ELAVL4: variants seen among roughly 807,000 people sequenced by gnomAD.
ELAVL4 encodes the protein ELAV like RNA binding protein 4.
A neutral mutation model predicts 35.6 loss-of-function variants in ELAVL4; 1 was observed. The ratio of observed to expected loss-of-function variants is 0.03; its 90% CI spans 0.01 to 0.13. The LOEUF is 0.13. ELAVL4 is among the 10% of genes least tolerant of loss of function. The probability of loss-of-function intolerance (pLI) is 1.00; values close to 1 mark genes in which losing one functional copy is unlikely to be tolerated. For synonymous variants in ELAVL4, 156 were observed against 171.0 expected (o/e 0.91, Z 0.69); for missense variants, 267 against 464.9 (o/e 0.57, Z 3.91).
upstream of ELAVL4, chr1:50,105,580 C>A (rs528159504): frequency 1.3e-5 from 2 of 152,184 alleles, no homozygotes; most frequent in East Asian, 3.9e-4. Flanking sequence ...AAAAAGAAAT[C>A]TTTTAAGATG....
At chr1:50,169,101 G>A (rs182251881) in intron 2 of ELAVL4, among the ~76,000 whole-genome samples, 174 of 152,120 alleles carry the variant, frequency 1.1e-3, no homozygotes, top group African/African-American at 4.1e-3. Context: ...TCAAAGAACT[G>A]AAGAACTTGG....
chr1:50,186,836 CT>C (rs1337001012), intron 3 of ELAVL4, among the ~76,000 whole-genome samples: 1 of 26,978 alleles, frequency 3.7e-5, no homozygotes, highest in Non-Finnish European at 2.7e-4. Flanking sequence ...AGTTTCACCT[CT>C]GATAAAATAG....
intron 1 of ELAVL4, among the ~76,000 whole-genome samples, chr1:50,057,561 A>ATTCTCTAT (rs1230147475): frequency 2.0e-5 from 3 of 152,102 alleles, no homozygotes; most frequent in Non-Finnish European, 4.4e-5. Context: ...TTAATCTTTT[A>ATTCTCTAT]TTCTCTATTT....
intron 1 of ELAVL4, among the ~76,000 whole-genome samples, chr1:50,092,984 A>G (rs1665559606): frequency 6.6e-6 from 1 of 152,340 alleles, no homozygotes; most frequent in African/African-American, 2.4e-5. Context: ...TCACTCCAAT[A>G]TAAATTCCCA....
intron 2 of ELAVL4, among the ~76,000 whole-genome samples, chr1:50,171,505 T>C (rs1168412466): frequency 6.6e-6 from 1 of 152,200 alleles, no homozygotes; most frequent in Non-Finnish European, 1.5e-5. Flanking sequence ...CAGAATTAAA[T>C]GAGGTAACAT....
At chr1:50,048,361 G>C (rs1663179819) in intron 1 of ELAVL4, among the ~76,000 whole-genome samples, 1 of 152,178 alleles carries the variant, frequency 6.6e-6, no homozygotes, top group Admixed American at 6.5e-5. Context: ...GCCCAGACCT[G>C]AGGGCTCCTG....
upstream of ELAVL4, among the ~76,000 whole-genome samples, chr1:50,107,581 A>G (rs2148522649): frequency 6.6e-6 from 1 of 152,308 alleles, no homozygotes; most frequent in Non-Finnish European, 1.5e-5. Context: ...AAACCCAGAA[A>G]TATAGCTTAT....
intron 1 of ELAVL4, among the ~76,000 whole-genome samples, chr1:50,137,656 A>C (rs1308941657): frequency 6.6e-6 from 1 of 152,164 alleles, no homozygotes; most frequent in South Asian, 2.1e-4. Context: ...TAGTCACAAG[A>C]CATGCTGCTG....
chr1:50,050,937 T>A (rs949663029), intron 1 of ELAVL4, among the ~76,000 whole-genome samples: 1 of 152,192 alleles, frequency 6.6e-6, no homozygotes, highest in East Asian at 1.9e-4. Context: ...ACATGCTAGC[T>A]GTTAGTTTTT....
chr1:50,114,591 C>G (rs1667632388), intron 1 of ELAVL4, among the ~76,000 whole-genome samples: 1 of 152,036 alleles, frequency 6.6e-6, no homozygotes, highest in South Asian at 2.1e-4. Flanking sequence ...ACATGTGGGT[C>G]TGCATCTTTC....
chr1:50,091,999 C>T (rs1238671050), intron 1 of ELAVL4, among the ~76,000 whole-genome samples: 1 of 152,188 alleles, frequency 6.6e-6, no homozygotes, highest in Non-Finnish European at 1.5e-5. Context: ...TTTGGCCATT[C>T]TAGTTCACTG....
At chr1:50,098,600 C>T (rs1665815724) in intron 1 of ELAVL4, among the ~76,000 whole-genome samples, 1 of 152,192 alleles carries the variant, frequency 6.6e-6, no homozygotes, top group African/African-American at 2.4e-5. Context: ...ATCCTTTTCA[C>T]AGAGGTATTT....
At position 50,201,408 on chromosome 1, in the gene ELAVL4, A is replaced by C. The variant is rs1644390103; in HGVS notation, c.*230A>C. On this transcript the variant is annotated 3_prime_UTR_variant, in exon 7 of 7. Coordinates refer to ENST00000371824, the MANE Select transcript of ELAVL4 (RefSeq NM_001144774.3). The surrounding 1 kb of genome is among the most constrained non-coding windows in gnomAD (Gnocchi z 4.3). Reference sequence around the variant, plus strand: ...AAAAAAAGAAAAAAAAAAAACAAAAAATACCTTTGATGCATTGAATGTTCT... The same window carrying C: ...AAAAAAAGAAAAAAAAAAAACAAAACATACCTTTGATGCATTGAATGTTCT... 6 of 328,442 alleles carry C rather than the reference A, an allele frequency of 1.8e-5. No homozygotes were observed. The highest frequency in any genetic ancestry group is 2.6e-5 in the Non-Finnish European group (5 of 191,210). The allele number at this position is 328,442 out of a possible 1,614,324, so 20.3% of individuals were successfully genotyped here.
intron 1 of ELAVL4, among the ~76,000 whole-genome samples, chr1:50,120,648 G>T (rs1419454737): frequency 2.0e-5 from 3 of 152,012 alleles, no homozygotes; most frequent in Non-Finnish European, 4.4e-5. Flanking sequence ...TTAGACATTG[G>T]TTAGGGGAAT....
intron 2 of ELAVL4, among the ~76,000 whole-genome samples, chr1:50,167,481 C>T (rs1420506205): frequency 6.6e-6 from 1 of 152,106 alleles, no homozygotes; most frequent in Non-Finnish European, 1.5e-5. Context: ...CTGCCCTTTC[C>T]GTGATGGAAG....
intron 1 of ELAVL4, among the ~76,000 whole-genome samples, chr1:50,080,907 C>G (rs1664979226): frequency 6.6e-6 from 1 of 152,104 alleles, no homozygotes. Flanking sequence ...ATATGCAAAG[C>G]CTTTGTACTT....
At chr1:50,125,940 C>A (rs950878038) in intron 1 of ELAVL4, among the ~76,000 whole-genome samples, 1 of 152,034 alleles carries the variant, frequency 6.6e-6, no homozygotes, top group African/African-American at 2.4e-5. Flanking sequence ...GTTTCCTTAT[C>A]TGTAAAATTG....
At chr1:50,193,967 C>T (rs1259224461) in intron 4 of ELAVL4, 49 bp downstream of exon 4, 1 of 1,597,952 alleles carries the variant, frequency 6.3e-7, no homozygotes, top group African/African-American at 1.3e-5. Flanking sequence ...ATGTCATCAG[C>T]CCTGTTACTC....
chr1:50,188,869 C>G (rs1244259178), intron 3 of ELAVL4, among the ~76,000 whole-genome samples: 1 of 152,196 alleles, frequency 6.6e-6, no homozygotes, highest in East Asian at 1.9e-4. Flanking sequence ...AGGGGGTTCT[C>G]TCCACATGGA....
Sources: gnomAD v4.1 joint callset for allele counts (sites outside exome capture counted in the v4.1 genomes callset) on GRCh38, gnomAD v4.1.1 for gene constraint, Gnocchi (gnomAD v3.1) non-coding constraint, MANE v1.5 for transcripts, NCBI Gene and HGNC (gene_info 2026-07-23, HGNC 2026-07-21) for gene names.